WHRN: variants seen among roughly 807,000 people sequenced by gnomAD.
WHRN encodes the protein whirlin, also known as CASK-interacting protein CIP98.
In WHRN, 41 loss-of-function variants were observed where a neutral mutation model predicts 68.3. The observed-to-expected ratio is 0.60, with a 90% CI of 0.47 to 0.78. The LOEUF (loss-of-function observed/expected upper bound fraction) is 0.78, where lower values mean the gene tolerates loss of function less well. Among genes scored for constraint, WHRN ranks in the 30% least tolerant of loss-of-function variants. WHRN has a pLI of 0.00. For synonymous variants in WHRN, 560 were observed against 561.3 expected (o/e 1.00, Z 0.03); for missense variants, 1,243 against 1,244.7 (o/e 1.00, Z 0.02).
At chr9:114,491,051 A>T (rs1296108384) in intron 1 of WHRN, among the ~76,000 whole-genome samples, 1 of 152,008 alleles carries the variant, frequency 6.6e-6, no homozygotes. Context: ...AAATATATTC[A>T]CTCAAGATGA....
chr9:114,442,375 G>GA (rs1225339548), intron 3 of WHRN, among the ~76,000 whole-genome samples: 2 of 151,714 alleles, frequency 1.3e-5, no homozygotes, highest in African/African-American at 2.4e-5. Flanking sequence ...TGTTCTTAGA[G>GA]AAAAAAAATA....
intron 1 of WHRN, among the ~76,000 whole-genome samples, chr9:114,486,910 T>A (rs1470099686): frequency 1.0e-5 from 1 of 96,644 alleles, no homozygotes; most frequent in African/African-American, 3.8e-5. Flanking sequence ...GTGTGTAGAG[T>A]GTGTGTGTGT....
In WHRN at chr9:114,486,885, A is replaced by AGTGTGTGT. The variant is rs142516414; in HGVS notation, c.619-8122_619-8115dup. ...ACAGGGTAGTTCTGATGATTAAATT[A>AGTGTGTGT]GTGTGTGTGTGTGTGTGTGTAGAGT... is the stretch of plus-strand genomic sequence containing the variant. On this transcript the variant is annotated intron_variant, in intron 1 of 11. Transcript: ENST00000362057. Among the ~76,000 whole-genome samples the AGTGTGTGT allele has an allele frequency of 3.3e-4, 24 of 73,704 alleles. 2 individuals are homozygous for AGTGTGTGT. Among genetic ancestry groups the AGTGTGTGT allele is most frequent in the African/African-American group, 9.5e-4 (21 of 21,996 alleles). The allele number at this position is 73,704 out of a possible 152,430, so 48.4% of individuals were successfully genotyped here.
intron 1 of WHRN, among the ~76,000 whole-genome samples, chr9:114,481,643 C>A (rs1842099092): frequency 6.6e-6 from 1 of 152,238 alleles, no homozygotes; most frequent in Non-Finnish European, 1.5e-5. Context: ...GCACAGCTCC[C>A]TGCTCCAGTG....
Position 114,478,710 on chromosome 9 carries a change from C to T in WHRN, c.680G>A (p.Gly227Asp), listed in dbSNP as rs908185393. ...SVYSAGRIPG[G>D]YVTNHIYTWV... ...GGTGTAGATGTGGTTGGTGACGTAGCCCCCAGGGATGCGCCCTGCTGAGTA... is the reference window on the plus strand; with the variant it reads ...GGTGTAGATGTGGTTGGTGACGTAGTCCCCAGGGATGCGCCCTGCTGAGTA... The change falls in exon 2 of 12, where the codon GGC becomes GAC. Residue 227 changes from glycine to aspartate, a missense_variant. Physicochemically the swap from Gly to Asp is moderately conservative, Grantham distance 94. Coordinates refer to ENST00000362057, the MANE Select transcript of WHRN (RefSeq NM_015404.4). 8.1e-6 allele frequency: 13 copies of T among 1,610,542 alleles called. No individual in the cohort carries two copies. The highest frequency in any genetic ancestry group is 1.0e-5 in the Non-Finnish European group (12 of 1,179,210).
Position 114,453,026 on chromosome 9 carries a change from A to C in WHRN, c.963+13241T>G, listed in dbSNP as rs550787523. ...ACACCTGCTTCCTGTTTCTTCATGG[A>C]GGAAGGGGTGTGGTTACTGTGTTTG... On this transcript the variant is annotated intron_variant, in intron 3 of 11. Coordinates refer to ENST00000362057, the MANE Select transcript of WHRN (RefSeq NM_015404.4). 2.5e-4 allele frequency among the ~76,000 whole-genome samples: 38 copies of C among 152,306 alleles called. No homozygotes were observed. The South Asian group carries it at 4.8e-3, about 19-fold the overall frequency.
intron 4 of WHRN, chr9:114,425,461 T>C: frequency 2.3e-6 from 1 of 429,696 alleles, no homozygotes; most frequent in Non-Finnish European, 4.1e-6. Context: ...CCAGACTTCC[T>C]GATTTTTAAG....
At chr9:114,485,271 C>T (rs1386778677) in intron 1 of WHRN, among the ~76,000 whole-genome samples, 2 of 152,248 alleles carry the variant, frequency 1.3e-5, no homozygotes, top group African/African-American at 4.8e-5. Context: ...TCTTCGCAGC[C>T]GCACCTTGCC....
chr9:114,481,848 C>G (rs895679846), intron 1 of WHRN, among the ~76,000 whole-genome samples: 1 of 152,168 alleles, frequency 6.6e-6, no homozygotes, highest in Non-Finnish European at 1.5e-5. Flanking sequence ...ACATCAGGTC[C>G]TCATGACACT....
intron 9 of WHRN, among the ~76,000 whole-genome samples, chr9:114,405,462 T>C (rs1309689351): frequency 6.6e-6 from 1 of 152,158 alleles, no homozygotes; most frequent in Non-Finnish European, 1.5e-5. Flanking sequence ...ACTGGGAGGA[T>C]TAAATGAGTT....
chr9:114,500,138 T>C (rs1843797612), intron 1 of WHRN, among the ~76,000 whole-genome samples: 1 of 152,156 alleles, frequency 6.6e-6, no homozygotes, highest in Non-Finnish European at 1.5e-5. Flanking sequence ...ATTAAAGAAA[T>C]GGATATGCAG....
chr9:114,472,761 A>C (rs1841344070), intron 2 of WHRN, among the ~76,000 whole-genome samples: 1 of 152,190 alleles, frequency 6.6e-6, no homozygotes, highest in African/African-American at 2.4e-5. Context: ...ACCAGTACCT[A>C]GTCAGCATTT....
At chr9:114,438,061 C>T (rs1434775742) in intron 3 of WHRN, among the ~76,000 whole-genome samples, 3 of 152,118 alleles carry the variant, frequency 2.0e-5, no homozygotes, top group Non-Finnish European at 4.4e-5. Context: ...TGGTGAAACC[C>T]CATCTCTACA....
At chr9:114,412,763 G>A (rs571427650) in intron 7 of WHRN, among the ~76,000 whole-genome samples, 123 of 152,344 alleles carry the variant, frequency 8.1e-4, no homozygotes, top group South Asian at 2.9e-3. Context: ...AACTGTAAGG[G>A]GATGAAATGA....
At chr9:114,433,536 A>G (rs1837595555) in intron 3 of WHRN, among the ~76,000 whole-genome samples, 1 of 152,212 alleles carries the variant, frequency 6.6e-6, no homozygotes, top group African/African-American at 2.4e-5. Context: ...AAAGAGTTTT[A>G]TTGCAATTAT....
intron 2 of WHRN, among the ~76,000 whole-genome samples, chr9:114,478,048 T>C (rs1488160201): frequency 6.6e-6 from 1 of 151,864 alleles, no homozygotes; most frequent in Non-Finnish European, 1.5e-5. Flanking sequence ...CCAGGATAAG[T>C]CCTGGAGCAG....
At chr9:114,461,969 T>C (rs1464170943) in intron 3 of WHRN, among the ~76,000 whole-genome samples, 3 of 152,212 alleles carry the variant, frequency 2.0e-5, no homozygotes, top group African/African-American at 7.2e-5. Flanking sequence ...GTCATGAGTA[T>C]ATATACTCAC....
In WHRN at chr9:114,402,564, C is replaced by T. The variant is rs906313782; in HGVS notation, c.*190G>A. ...AGTACAGCACCAGTTCCTGACCTGA[C>T]CTTCTGTCTGCCTTGTCCTGCTCTC... On this transcript the variant is annotated 3_prime_UTR_variant, in exon 12 of 12. Transcript: ENST00000362057. 2.7e-6 allele frequency: 2 copies of T among 727,698 alleles called. No homozygotes were observed. Among genetic ancestry groups the T allele is most frequent in the African/African-American group, 1.7e-5 (1 of 57,756 alleles). The allele number at this position is 727,698 out of a possible 1,614,324, so 45.1% of individuals were successfully genotyped here. A position where few individuals can be genotyped will look rare whatever the true frequency, so the allele number is the denominator to read the frequency against.
rs182003111 is a variant in WHRN at position 114,412,998 on chromosome 9, G to C, written c.1627-4980C>G. ...AGGTGCTATTTCCAGCTCTTTGTTC[G>C]TTGGGCTTCTGTACTTCTGTCAAGC... On this transcript the variant is annotated intron_variant, in intron 7 of 11. Coordinates refer to ENST00000362057, the MANE Select transcript of WHRN (RefSeq NM_015404.4). Among the ~76,000 whole-genome samples, 511 of 152,296 alleles carry C rather than the reference G, an allele frequency of 3.4e-3. 9 individuals are homozygous for C. Among genetic ancestry groups the C allele is most frequent in the Admixed American group, 0.027 (419 of 15,292 alleles).
Sources: gnomAD v4.1 joint callset for allele counts (sites outside exome capture counted in the v4.1 genomes callset) on GRCh38, gnomAD v4.1.1 for gene constraint, MANE v1.5 for transcripts, NCBI Gene and HGNC (gene_info 2026-07-23, HGNC 2026-07-21) for gene names.